Variants in PLPPR1 observed in about 807,000 individuals in gnomAD.
The protein encoded by PLPPR1 is phospholipid phosphatase-related protein type 1.
Under a neutral mutation model 33.1 loss-of-function variants are expected in PLPPR1, and 10 were observed. The ratio of observed to expected loss-of-function variants is 0.30; its 90% CI spans 0.19 to 0.51. The LOEUF is 0.51. Ranked by LOEUF, PLPPR1 falls within the 20% of genes least tolerant of loss-of-function variation. PLPPR1 has a pLI of 0.97. For synonymous variants in PLPPR1, 151 were observed against 151.0 expected (o/e 1.00, Z 0.00); for missense variants, 304 against 408.1 (o/e 0.74, Z 2.20).
intron 2 of PLPPR1, among the ~76,000 whole-genome samples, chr9:101,268,021 A>G (rs1227776687): frequency 6.6e-6 from 1 of 152,094 alleles, no homozygotes; most frequent in Non-Finnish European, 1.5e-5. Context: ...ACCAAACACC[A>G]CATGTTCTCA....
intron 1 of PLPPR1, among the ~76,000 whole-genome samples, chr9:101,064,368 G>GAATT (rs1830383133): frequency 6.6e-6 from 1 of 151,904 alleles, no homozygotes; most frequent in Admixed American, 6.6e-5. Context: ...ATGAATGAAT[G>GAATT]AATGAATAGG....
intron 2 of PLPPR1, among the ~76,000 whole-genome samples, chr9:101,192,789 G>A (rs954802242): frequency 6.6e-6 from 1 of 151,982 alleles, no homozygotes; most frequent in Non-Finnish European, 1.5e-5. Flanking sequence ...ATATTAAGGT[G>A]GTTACTGAAT....
At chr9:101,300,583 G>A (rs563828593) in intron 4 of PLPPR1, among the ~76,000 whole-genome samples, 12 of 152,328 alleles carry the variant, frequency 7.9e-5, no homozygotes, top group African/African-American at 2.9e-4. Context: ...GCCCATGGGG[G>A]CTTGATGCTG....
At position 101,323,469 on chromosome 9, in the gene PLPPR1, C is replaced by CAAAAAAA. The variant is rs11339430; in HGVS notation, c.946-542_946-536dup. On this transcript the variant is annotated intron_variant, in intron 7 of 7. Coordinates refer to ENST00000374874, the MANE Select transcript of PLPPR1 (RefSeq NM_207299.2). ...CTGGGTGACAGAGTAAACCCTGTCT[C>CAAAAAAA]AAAAAAAAAAAAAAAAAAAAGTTTG... 1.7e-3 allele frequency among the ~76,000 whole-genome samples: 163 copies of CAAAAAAA among 93,778 alleles called. 1 individual carries two copies. The highest frequency in any genetic ancestry group is 5.0e-3 in the African/African-American group (139 of 28,056). 61.5% of individuals were successfully genotyped at this position (93,778 alleles called of 152,430 possible).
At chr9:101,073,088 A>G (rs934372451) in intron 1 of PLPPR1, among the ~76,000 whole-genome samples, 4 of 152,166 alleles carry the variant, frequency 2.6e-5, no homozygotes, top group African/African-American at 7.2e-5. Flanking sequence ...AACAAAGACA[A>G]TTGGAGAGGA....
At chr9:101,234,694 A>T (rs570711683) in intron 2 of PLPPR1, among the ~76,000 whole-genome samples, 1 of 152,088 alleles carries the variant, frequency 6.6e-6, no homozygotes, top group East Asian at 1.9e-4. Context: ...GGCCAAGGCA[A>T]ATTTAGACCA....
At chr9:101,217,056 T>C (rs1826812610) in intron 2 of PLPPR1, among the ~76,000 whole-genome samples, 2 of 152,190 alleles carry the variant, frequency 1.3e-5, no homozygotes, top group African/African-American at 4.8e-5. Context: ...AATTTTAAAG[T>C]AGATTAGCGT....
intron 2 of PLPPR1, among the ~76,000 whole-genome samples, chr9:101,258,188 A>G (rs1827835805): frequency 6.6e-6 from 1 of 152,148 alleles, no homozygotes; most frequent in African/African-American, 2.4e-5. Flanking sequence ...CTATTACACC[A>G]TGACAGCCAG....
chr9:101,235,833 C>T (rs944665686), intron 2 of PLPPR1, among the ~76,000 whole-genome samples: 1 of 151,800 alleles, frequency 6.6e-6, no homozygotes, highest in African/African-American at 2.4e-5. Flanking sequence ...ATTAGCCTCT[C>T]ATTAGTGTAA....
intron 1 of PLPPR1, among the ~76,000 whole-genome samples, chr9:101,072,590 A>G (rs662454): frequency 0.68 from 103,304 of 151,994 alleles, 35,435 homozygotes; most frequent in East Asian, 0.89. Context: ...TAGAGAGGAA[A>G]AGATGCATTC....
chr9:101,248,965 G>T (rs1414575669), intron 2 of PLPPR1, among the ~76,000 whole-genome samples: 1 of 151,952 alleles, frequency 6.6e-6, no homozygotes, highest in South Asian at 2.1e-4. Context: ...AAATACATCT[G>T]GGAACAACTT....
intron 4 of PLPPR1, among the ~76,000 whole-genome samples, chr9:101,296,730 G>A (rs1403524362): frequency 1.3e-5 from 2 of 151,990 alleles, no homozygotes; most frequent in African/African-American, 4.8e-5. Context: ...TTCACTCATA[G>A]GTGGGAATTG....
chr9:101,074,810 A>G (rs555984436), intron 1 of PLPPR1, among the ~76,000 whole-genome samples: 18 of 152,296 alleles, frequency 1.2e-4, no homozygotes, highest in African/African-American at 4.3e-4. Context: ...ATTTCAAATA[A>G]TAGAAACATG....
At chr9:101,176,993 A>G (rs925887911) in intron 1 of PLPPR1, among the ~76,000 whole-genome samples, 2 of 152,240 alleles carry the variant, frequency 1.3e-5, no homozygotes, top group African/African-American at 4.8e-5. Flanking sequence ...AAATAGTCTC[A>G]GCAAAGAAAG....
intron 1 of PLPPR1, among the ~76,000 whole-genome samples, chr9:101,174,299 T>C (rs753921435): frequency 2.4e-4 from 37 of 152,328 alleles, no homozygotes; most frequent in Admixed American, 5.2e-4. Context: ...GTGAACTCTA[T>C]TAAGTCATTC....
chr9:101,196,636 C>T (rs531979951), intron 2 of PLPPR1, among the ~76,000 whole-genome samples: 2 of 152,022 alleles, frequency 1.3e-5, no homozygotes, highest in Non-Finnish European at 2.9e-5. Context: ...CCGAGGCGGG[C>T]GGATCACGAG....
intron 1 of PLPPR1, among the ~76,000 whole-genome samples, chr9:101,065,352 G>A (rs971543037): frequency 6.6e-6 from 1 of 152,022 alleles, no homozygotes; most frequent in African/African-American, 2.4e-5. Flanking sequence ...ACATTGAATC[G>A]AGCACTCACT....
intron 1 of PLPPR1, among the ~76,000 whole-genome samples, chr9:101,069,294 GA>G (rs919938451): frequency 6.6e-6 from 1 of 152,064 alleles, no homozygotes; most frequent in African/African-American, 2.4e-5. Context: ...TTTTAGAGAT[GA>G]AAAAATTAAG....
chr9:101,212,778 T>C (rs539886750), intron 2 of PLPPR1, among the ~76,000 whole-genome samples: 2 of 152,318 alleles, frequency 1.3e-5, no homozygotes, highest in Middle Eastern at 3.4e-3. Flanking sequence ...GAGAGATATC[T>C]GTAACGTGAG....
Sources: allele counts gnomAD v4.1 joint callset (sites outside exome capture counted in the v4.1 genomes callset), GRCh38; gene constraint gnomAD v4.1.1; transcripts MANE v1.5; gene names NCBI Gene and HGNC (gene_info 2026-07-23, HGNC 2026-07-21).